Variants in PCNX2 observed in about 807,000 individuals in gnomAD.
PCNX2 encodes pecanex 2.
A neutral mutation model predicts 223.8 loss-of-function variants in PCNX2; 168 were observed. The observed-to-expected ratio is 0.75, with a 90% CI of 0.66 to 0.85. PCNX2 has a LOEUF of 0.85. Among genes scored for constraint, PCNX2 ranks in the 40% least tolerant of loss-of-function variants. The pLI is 0.00. For missense variants in PCNX2, 2,507 were observed against 2,675.5 expected (o/e 0.94, Z 1.39); for synonymous variants, 1,006 against 1,052.6 (o/e 0.96, Z 0.86).
intron 21 of PCNX2, among the ~76,000 whole-genome samples, chr1:233,134,133 A>T (rs1359565504): frequency 6.6e-6 from 1 of 152,184 alleles, no homozygotes; most frequent in African/African-American, 2.4e-5. Flanking sequence ...GGTGTTGCTG[A>T]AGTCAGTCTC....
At chr1:233,275,391 C>T (rs575671941) in intron 1 of PCNX2, among the ~76,000 whole-genome samples, 48 of 152,008 alleles carry the variant, frequency 3.2e-4, no homozygotes, top group African/African-American at 1.1e-3. Flanking sequence ...TTAGTAGAGA[C>T]GGGGTTTCAC....
intron 1 of PCNX2, among the ~76,000 whole-genome samples, chr1:233,272,733 G>C (rs1207995928): frequency 6.6e-6 from 1 of 152,106 alleles, no homozygotes; most frequent in Non-Finnish European, 1.5e-5. Flanking sequence ...GCAAAAATAC[G>C]GAACCAGCCC....
chr1:233,032,229 A>G (rs1303513880), intron 25 of PCNX2, among the ~76,000 whole-genome samples: 1 of 151,930 alleles, frequency 6.6e-6, no homozygotes, highest in Admixed American at 6.6e-5. Flanking sequence ...CAGCCTCCCA[A>G]GTAGCTGGGA....
chr1:233,145,113 T>C (rs969985153), intron 19 of PCNX2, among the ~76,000 whole-genome samples: 4 of 151,766 alleles, frequency 2.6e-5, no homozygotes, highest in Non-Finnish European at 5.9e-5. Flanking sequence ...TACAGGCGCC[T>C]GCCACCACGC....
At chr1:233,297,123 A>C (rs774190007), upstream of PCNX2, among the ~76,000 whole-genome samples, 4 of 152,210 alleles carry the variant, frequency 2.6e-5, no homozygotes, top group Non-Finnish European at 4.4e-5. Context: ...GGTGCTGTAT[A>C]AGTGTTTAAT....
chr1:233,010,459 C>T (rs1308951737), intron 28 of PCNX2, among the ~76,000 whole-genome samples: 2 of 152,224 alleles, frequency 1.3e-5, no homozygotes, highest in East Asian at 3.8e-4. Context: ...TACAAACAAA[C>T]CTGTTGCTTC....
rs758709068 is a variant in PCNX2, at chr1:233,160,264, T to C, written c.3517+19A>G. 1.3e-6 allele frequency: 2 copies of C among 1,597,428 alleles called. No homozygotes were observed. The highest frequency in any genetic ancestry group is 1.1e-5 in the South Asian group (1 of 89,884). ...ACCCCTCCTTTTTTTTTTTTTTAAA[T>C]GAGGGATATATTACTAACCTCTCAC... On this transcript the variant is annotated intron_variant, in intron 19 of 33. Coordinates refer to ENST00000258229, the MANE Select transcript of PCNX2 (RefSeq NM_014801.4).
At position 233,192,631 on chromosome 1, in the gene PCNX2, T is replaced by C. The variant is rs537614962; in HGVS notation, c.3066+6308A>G. 8.5e-5 allele frequency among the ~76,000 whole-genome samples: 13 copies of C among 152,206 alleles called. No individual in the cohort carries two copies. In the South Asian group the frequency reaches 2.7e-3, roughly 32 times the overall value. On this transcript the variant is annotated intron_variant, in intron 15 of 33. Transcript: ENST00000258229. ...CATTTACATCAAAAAAAAAGAAATT[T>C]TTAGAAAATATCTGATTTAAAGTCT... is the stretch of plus-strand genomic sequence containing the variant.
At chr1:233,080,902 G>A (rs1361134261) in intron 23 of PCNX2, among the ~76,000 whole-genome samples, 3 of 152,156 alleles carry the variant, frequency 2.0e-5, no homozygotes, top group Non-Finnish European at 4.4e-5. Context: ...TGCCTGGGGA[G>A]GAAGATTCCT....
At chr1:233,290,454 T>C (rs1661696846) in intron 1 of PCNX2, among the ~76,000 whole-genome samples, 1 of 152,210 alleles carries the variant, frequency 6.6e-6, no homozygotes. Flanking sequence ...GCTATGTATA[T>C]AGCTGCACAC....
intron 21 of PCNX2, among the ~76,000 whole-genome samples, chr1:233,116,350 T>C (rs979026003): frequency 6.6e-6 from 1 of 152,134 alleles, no homozygotes; most frequent in Non-Finnish European, 1.5e-5. Context: ...CATGGACAGA[T>C]ACAAAGATAG....
chr1:233,062,905 C>T (rs72762084), intron 23 of PCNX2, among the ~76,000 whole-genome samples: 16,018 of 152,076 alleles, frequency 0.11, 937 homozygotes, highest in East Asian at 0.16. Flanking sequence ...TAATCCCCTA[C>T]AAAGCTGTAA....
the PCNX2 span, among the ~76,000 whole-genome samples, chr1:233,320,620 C>G: frequency 2.0e-5 from 3 of 152,116 alleles, no homozygotes; most frequent in African/African-American, 4.8e-5. Flanking sequence ...AAGTAGTAGT[C>G]GCTTAAAGAT....
At chr1:233,140,732 G>C (rs1451250839) in intron 19 of PCNX2, among the ~76,000 whole-genome samples, 1 of 152,188 alleles carries the variant, frequency 6.6e-6, no homozygotes, top group Non-Finnish European at 1.5e-5. Flanking sequence ...CACATTCAGC[G>C]GTGGGGAAAT....
chr1:233,191,288 T>TA (rs1421260729), intron 15 of PCNX2, among the ~76,000 whole-genome samples: 4 of 152,298 alleles, frequency 2.6e-5, no homozygotes, highest in Non-Finnish European at 5.9e-5. Context: ...GCTGAACAAA[T>TA]AAATATGTGT....
rs748111271 is a variant in PCNX2, at chr1:233,025,383, C to T, written c.4368G>A (p.Gln1456=). The part of the protein sequence containing the change: ...GLEFRGTYCQ[Q]REVEAIMEGD... ...CCTCCATGATGGCTTCTACCTCCCT[C>T]TGCTGGCAGTAGGTTCCTGGCCGAG... is the stretch of plus-strand genomic sequence containing the variant. The change falls in exon 26 of 34, where the codon CAG becomes CAA. Residue 1456 remains glutamine (Q), a synonymous_variant. Transcript: ENST00000258229. 3.1e-6 allele frequency: 5 copies of T among 1,613,952 alleles called. No individual in the cohort carries two copies. The highest frequency in any genetic ancestry group is 4.2e-6 in the Non-Finnish European group (5 of 1,179,842).
intron 15 of PCNX2, among the ~76,000 whole-genome samples, chr1:233,195,532 T>C (rs2102886113): frequency 6.6e-6 from 1 of 152,190 alleles, no homozygotes; most frequent in East Asian, 1.9e-4. Flanking sequence ...TTGATAGACA[T>C]GACAATCTAT....
intron 1 of PCNX2, among the ~76,000 whole-genome samples, chr1:233,285,330 T>C (rs566242281): frequency 2.0e-5 from 3 of 151,174 alleles, no homozygotes; most frequent in African/African-American, 7.3e-5. Flanking sequence ...CCAGCCTGAG[T>C]GACAATGAAC....
chr1:233,121,370 A>C (rs1385032691), intron 21 of PCNX2, among the ~76,000 whole-genome samples: 1 of 152,236 alleles, frequency 6.6e-6, no homozygotes, highest in Non-Finnish European at 1.5e-5. Flanking sequence ...ACAGTAAACA[A>C]AAATGAAATA....
Sources: gnomAD v4.1 joint callset for allele counts (sites outside exome capture counted in the v4.1 genomes callset) on GRCh38, gnomAD v4.1.1 for gene constraint, MANE v1.5 for transcripts, NCBI Gene and HGNC (gene_info 2026-07-23, HGNC 2026-07-21) for gene names.